RARB: variants seen among roughly 807,000 people sequenced by gnomAD.
RARB encodes the protein retinoic acid receptor beta.
A neutral mutation model predicts 51.9 loss-of-function variants in RARB; 17 were observed. The ratio of observed to expected loss-of-function variants is 0.33; its 90% CI spans 0.22 to 0.49. The LOEUF (loss-of-function observed/expected upper bound fraction) is 0.49, where lower values mean the gene tolerates loss of function less well. RARB is among the 20% of genes least tolerant of loss of function. The pLI, the probability that RARB is intolerant of heterozygous loss-of-function variation, is 0.99. For synonymous variants in RARB, 215 were observed against 195.4 expected (o/e 1.10, Z -0.84); for missense variants, 369 against 550.8 (o/e 0.67, Z 3.30).
chr3:25,181,920 C>G (rs937920668), intron 5 of RARB, among the ~76,000 whole-genome samples: 13 of 152,158 alleles, frequency 8.5e-5, no homozygotes, highest in African/African-American at 3.1e-4. Flanking sequence ...CTAAAACATT[C>G]ACTCTAATTC....
intron 2 of RARB, among the ~76,000 whole-genome samples, chr3:25,012,894 T>C (rs753331398): frequency 1.3e-5 from 2 of 152,108 alleles, no homozygotes; most frequent in Admixed American, 6.6e-5. Context: ...TAAGAGATTA[T>C]GAGGTACTTA....
upstream of RARB, among the ~76,000 whole-genome samples, chr3:25,427,557 G>C (rs1428898798): frequency 6.6e-6 from 1 of 152,128 alleles, no homozygotes; most frequent in Non-Finnish European, 1.5e-5. Flanking sequence ...TGTGTGTTTG[G>C]GACAGGGGTA....
intron 3 of RARB, among the ~76,000 whole-genome samples, chr3:25,067,410 G>T (rs992137296): frequency 6.6e-6 from 1 of 152,178 alleles, no homozygotes; most frequent in Non-Finnish European, 1.5e-5. Context: ...GTGGTCCATT[G>T]GTTCAGACAT....
chr3:25,393,306 T>C (rs1156969216), intron 5 of RARB, among the ~76,000 whole-genome samples: 1 of 151,768 alleles, frequency 6.6e-6, no homozygotes, highest in African/African-American at 2.4e-5. Flanking sequence ...TTTTTTTTTC[T>C]TTGAGGATTT....
At chr3:24,943,667 G>C (rs1695716768) in intron 2 of RARB, among the ~76,000 whole-genome samples, 1 of 152,168 alleles carries the variant, frequency 6.6e-6, no homozygotes, top group Non-Finnish European at 1.5e-5. Flanking sequence ...CTAACTATAA[G>C]GACTACTGAT....
At chr3:25,505,467 T>C (rs1697536100) in intron 3 of RARB, among the ~76,000 whole-genome samples, 1 of 152,206 alleles carries the variant, frequency 6.6e-6, no homozygotes, top group Non-Finnish European at 1.5e-5. Flanking sequence ...TCAAATTTGA[T>C]TTTACATGTG....
chr3:25,469,806 C>T (rs777512999), intron 2 of RARB, among the ~76,000 whole-genome samples: 8 of 152,192 alleles, frequency 5.3e-5, no homozygotes, highest in Non-Finnish European at 1.0e-4. Context: ...GGCTCAAGCC[C>T]AGCTGCTGGC....
chr3:24,944,703 AC>A (rs748122390), intron 2 of RARB, among the ~76,000 whole-genome samples: 2 of 152,206 alleles, frequency 1.3e-5, no homozygotes, highest in African/African-American at 4.8e-5. Flanking sequence ...TCCTCGGGTG[AC>A]TTGCTTTGCA....
intron 1 of RARB, among the ~76,000 whole-genome samples, chr3:25,442,148 ATTTT>A (rs1708720700): frequency 8.0e-6 from 1 of 124,416 alleles, no homozygotes; most frequent in Non-Finnish European, 1.8e-5. Flanking sequence ...TTATTTATTT[ATTTT>A]TGAGACGGAG....
intron 5 of RARB, among the ~76,000 whole-genome samples, chr3:25,305,755 T>A (rs1354778705): frequency 1.3e-5 from 2 of 152,128 alleles, no homozygotes; most frequent in Non-Finnish European, 2.9e-5. Context: ...CAACAAAAAT[T>A]TCTTCAAAAA....
intron 2 of RARB, among the ~76,000 whole-genome samples, chr3:24,901,096 T>A (rs1703596295): frequency 1.3e-5 from 2 of 152,158 alleles, no homozygotes; most frequent in African/African-American, 4.8e-5. Context: ...GCTCTTGGAA[T>A]AAATTGGATA....
chr3:25,424,056 TG>T (rs1707925728), upstream of RARB, among the ~76,000 whole-genome samples: 2 of 152,308 alleles, frequency 1.3e-5, no homozygotes, highest in South Asian at 4.1e-4. Context: ...ACAATATTTG[TG>T]TGTAACCAAG....
intron 5 of RARB, among the ~76,000 whole-genome samples, chr3:25,369,227 G>A (rs1706226430): frequency 6.6e-6 from 1 of 152,084 alleles, no homozygotes; most frequent in Non-Finnish European, 1.5e-5. Flanking sequence ...AAGTATTTTT[G>A]AGCACTTATT....
intron 5 of RARB, among the ~76,000 whole-genome samples, chr3:25,417,340 G>C (rs1707731339): frequency 6.6e-6 from 1 of 152,030 alleles, no homozygotes; most frequent in South Asian, 2.1e-4. Context: ...CCCAACTAAG[G>C]AAGAAAAGTA....
At chr3:24,899,332 G>C (rs564240616) in intron 2 of RARB, among the ~76,000 whole-genome samples, 10 of 152,140 alleles carry the variant, frequency 6.6e-5, no homozygotes, top group Non-Finnish European at 5.9e-5. Flanking sequence ...CGTATTCACA[G>C]GCTTGAGAAC....
intron 4 of RARB, among the ~76,000 whole-genome samples, chr3:25,158,729 A>G (rs902512845): frequency 1.3e-5 from 2 of 152,224 alleles, no homozygotes; most frequent in African/African-American, 4.8e-5. Flanking sequence ...TTCAGCAACT[A>G]AATACAATAA....
intron 3 of RARB, among the ~76,000 whole-genome samples, chr3:25,517,217 A>G (rs1698206195): frequency 1.3e-5 from 2 of 152,244 alleles, no homozygotes; most frequent in African/African-American, 4.8e-5. Flanking sequence ...TTATAGAAAT[A>G]TATTTATCTC....
At chr3:25,274,506 G>C (rs1703332780) in intron 5 of RARB, among the ~76,000 whole-genome samples, 2 of 152,194 alleles carry the variant, frequency 1.3e-5, no homozygotes, top group Admixed American at 1.3e-4. Flanking sequence ...GGACTGCTGA[G>C]TAAAAAGATG....
At chr3:24,883,271 C>T (rs1703204231) in intron 2 of RARB, among the ~76,000 whole-genome samples, 2 of 152,028 alleles carry the variant, frequency 1.3e-5, no homozygotes, top group African/African-American at 4.8e-5. Context: ...ATTAAATCCT[C>T]TTAGGTGCAT....
Sources: allele counts gnomAD v4.1 joint callset (sites outside exome capture counted in the v4.1 genomes callset), GRCh38; gene constraint gnomAD v4.1.1; transcripts MANE v1.5; gene names NCBI Gene and HGNC (gene_info 2026-07-23, HGNC 2026-07-21).